FUT8: variants seen among roughly 807,000 people sequenced by gnomAD.
FUT8 encodes alpha-(1,6)-fucosyltransferase.
Under a neutral mutation model 71.3 loss-of-function variants are expected in FUT8, and 29 were observed. The observed-to-expected ratio is 0.41, with a 90% confidence interval of 0.30 to 0.55. The LOEUF is 0.55. Among genes scored for constraint, FUT8 ranks in the 20% least tolerant of loss-of-function variants. FUT8 has a pLI of 0.34. For synonymous variants in FUT8, 254 were observed against 239.3 expected, an observed-to-expected ratio of 1.06 and a Z score of -0.57; for missense variants, 544 against 702.1, an observed-to-expected ratio of 0.77 and a Z score of 2.55.
At chr14:65,543,236 T>C (rs1338102265) in intron 2 of FUT8, among the ~76,000 whole-genome samples, 1 of 152,220 alleles carries the variant, frequency 6.6e-6, no homozygotes, top group African/African-American at 2.4e-5. Context: ...GCTTTTGACA[T>C]TTTATGCACG....
intron 9 of FUT8, among the ~76,000 whole-genome samples, chr14:65,727,384 T>C (rs1402056136): frequency 6.6e-6 from 1 of 152,102 alleles, no homozygotes; most frequent in African/African-American, 2.4e-5. Context: ...CAGGCAGAGG[T>C]TCCCAAACCT....
chr14:65,451,364 G>A (rs955168491), intron 1 of FUT8, among the ~76,000 whole-genome samples: 5 of 152,262 alleles, frequency 3.3e-5, no homozygotes, highest in African/African-American at 1.2e-4. Flanking sequence ...AGCCACAGCA[G>A]GAGTGAACTC....
chr14:65,595,579 C>T (rs538256270), intron 3 of FUT8, among the ~76,000 whole-genome samples: 4 of 146,692 alleles, frequency 2.7e-5, no homozygotes, highest in Admixed American at 6.8e-5. Flanking sequence ...AATAACTTGA[C>T]GATTTATCTT....
the FUT8 span, among the ~76,000 whole-genome samples, chr14:65,404,408 G>A: frequency 6.6e-6 from 1 of 151,770 alleles, no homozygotes; most frequent in East Asian, 1.9e-4. Flanking sequence ...TCCTGACCTT[G>A]TGATTCACCC....
intron 3 of FUT8, among the ~76,000 whole-genome samples, chr14:65,586,168 A>G (rs1887368066): frequency 6.6e-6 from 1 of 152,228 alleles, no homozygotes; most frequent in South Asian, 2.1e-4. Context: ...ATTGCTTGAC[A>G]TATCTAGGTT....
At chr14:65,666,372 C>T (rs1892215473) in intron 6 of FUT8, among the ~76,000 whole-genome samples, 1 of 152,000 alleles carries the variant, frequency 6.6e-6, no homozygotes, top group South Asian at 2.1e-4. Flanking sequence ...CACAGAAATA[C>T]AAAAATACCA....
chr14:65,675,517 C>T (rs1892671196), intron 7 of FUT8, among the ~76,000 whole-genome samples: 2 of 152,122 alleles, frequency 1.3e-5, no homozygotes, highest in African/African-American at 2.4e-5. Flanking sequence ...ATTTACCTTC[C>T]TCTGCTGTTA....
the FUT8 span, among the ~76,000 whole-genome samples, chr14:65,386,503 CAAAAAA>C: frequency 2.1e-5 from 1 of 46,870 alleles, no homozygotes. Flanking sequence ...GACCTCGTCT[CAAAAAA>C]AAAAAAAAAA....
chr14:65,428,487 C>G (rs1386871453), intron 1 of FUT8, among the ~76,000 whole-genome samples: 2 of 152,132 alleles, frequency 1.3e-5, no homozygotes, highest in Non-Finnish European at 2.9e-5. Flanking sequence ...CACTTCCTAG[C>G]CTCCAGAACT....
chr14:65,659,966 T>TA (rs1170384379), intron 6 of FUT8, among the ~76,000 whole-genome samples: 1 of 152,162 alleles, frequency 6.6e-6, no homozygotes. Context: ...GGTATAAACT[T>TA]ACAGAGAAAA....
intron 2 of FUT8, among the ~76,000 whole-genome samples, chr14:65,479,950 A>C (rs1279784610): frequency 1.3e-5 from 2 of 151,970 alleles, no homozygotes; most frequent in African/African-American, 4.8e-5. Flanking sequence ...TTGGATTTAA[A>C]ATTTTCTTAC....
At chr14:65,481,936 T>C (rs1185064691) in intron 2 of FUT8, among the ~76,000 whole-genome samples, 1 of 152,202 alleles carries the variant, frequency 6.6e-6, no homozygotes, top group Non-Finnish European at 1.5e-5. Context: ...CTTTTCTTTC[T>C]CTTAATAGTG....
At chr14:65,544,379 T>C (rs990223848) in intron 2 of FUT8, among the ~76,000 whole-genome samples, 1 of 152,198 alleles carries the variant, frequency 6.6e-6, no homozygotes, top group Non-Finnish European at 1.5e-5. Context: ...CCATATGTGA[T>C]TGATTTGAAA....
At chr14:65,499,861 T>A (rs1233977616) in intron 2 of FUT8, among the ~76,000 whole-genome samples, 2 of 152,048 alleles carry the variant, frequency 1.3e-5, no homozygotes, top group Non-Finnish European at 2.9e-5. Context: ...TGTTGAATAT[T>A]TAGTTATAAG....
At chr14:65,566,273 G>T (rs1400249411) in intron 3 of FUT8, among the ~76,000 whole-genome samples, 1 of 151,986 alleles carries the variant, frequency 6.6e-6, no homozygotes, top group East Asian at 1.9e-4. Context: ...CTGAGCATCA[G>T]AAGTAACACA....
chr14:65,664,860 A>G (rs182781566), intron 6 of FUT8, among the ~76,000 whole-genome samples: 2 of 152,306 alleles, frequency 1.3e-5, no homozygotes, highest in Admixed American at 6.5e-5. Flanking sequence ...CTTGTAGACA[A>G]AATAGCTAGG....
At chr14:65,697,369 A>G (rs1411571558) in intron 7 of FUT8, among the ~76,000 whole-genome samples, 1 of 152,088 alleles carries the variant, frequency 6.6e-6, no homozygotes, top group African/African-American at 2.4e-5. Context: ...ATGTGATGGT[A>G]TGGTTTGTGG....
chr14:65,473,995 G>A (rs1881130608), intron 2 of FUT8, among the ~76,000 whole-genome samples: 5 of 152,144 alleles, frequency 3.3e-5, no homozygotes, highest in Admixed American at 3.3e-4. Flanking sequence ...CATTTTTGCA[G>A]CAATTTGGGT....
At chr14:65,411,891 G>C, upstream of FUT8, 1 of 373,090 alleles carries the variant, frequency 2.7e-6, no homozygotes, top group South Asian at 2.0e-5. Flanking sequence ...GGGGCGGCGC[G>C]CTCCGGTCCT....
Sources: gnomAD v4.1 joint callset for allele counts (sites outside exome capture counted in the v4.1 genomes callset) on GRCh38, gnomAD v4.1.1 for gene constraint, MANE v1.5 for transcripts, NCBI Gene and HGNC (gene_info 2026-07-23, HGNC 2026-07-21) for gene names.